Variants in CCDC144A observed in about 807,000 individuals in gnomAD.
The protein encoded by CCDC144A is coiled-coil domain containing 144A.
In CCDC144A, 41 loss-of-function variants were observed where a neutral mutation model predicts 143.8. The ratio of observed to expected loss-of-function variants is 0.29; its 90% confidence interval spans 0.22 to 0.37. The LOEUF (loss-of-function observed/expected upper bound fraction) is 0.37, where lower values mean the gene tolerates loss of function less well. Among genes scored for constraint, CCDC144A ranks in the 10% least tolerant of loss-of-function variants. The pLI is 1.00. For missense variants in CCDC144A, 637 were observed against 1,488.8 expected (o/e 0.43, Z 9.41); for synonymous variants, 242 against 517.9 (o/e 0.47, Z 7.23).
the CCDC144A span, among the ~76,000 whole-genome samples, chr17:16,683,274 C>T: frequency 6.6e-6 from 1 of 152,098 alleles, no homozygotes; most frequent in Non-Finnish European, 1.5e-5. Context: ...TATTTCTAAA[C>T]AGGTTTTACA....
At chr17:16,714,145 A>G (rs573373176) in intron 6 of CCDC144A, among the ~76,000 whole-genome samples, 5 of 152,246 alleles carry the variant, frequency 3.3e-5, no homozygotes, top group South Asian at 4.1e-4. Context: ...TCCATCTGTC[A>G]TAGTCTGTTT....
chr17:16,698,463 C>T (rs1213133389), intron 2 of CCDC144A, among the ~76,000 whole-genome samples: 1 of 152,222 alleles, frequency 6.6e-6, no homozygotes, highest in African/African-American at 2.4e-5. Context: ...TGGAAGAATA[C>T]ACCTACCAAG....
chr17:16,701,715 G>A (rs1306846827), intron 2 of CCDC144A, among the ~76,000 whole-genome samples: 1 of 151,596 alleles, frequency 6.6e-6, no homozygotes, highest in African/African-American at 2.4e-5. Context: ...GTGTTCATCA[G>A]AACAGGATCT....
chr17:16,704,049 A>G (rs1911897648), intron 2 of CCDC144A, among the ~76,000 whole-genome samples: 1 of 152,238 alleles, frequency 6.6e-6, no homozygotes, highest in Non-Finnish European at 1.5e-5. Context: ...ATTTAGAGTC[A>G]ACATTTTAAA....
intron 12 of CCDC144A, among the ~76,000 whole-genome samples, chr17:16,748,282 G>T (rs1226649434): frequency 6.6e-6 from 1 of 152,058 alleles, no homozygotes; most frequent in Non-Finnish European, 1.5e-5. Flanking sequence ...TGCCTAATTT[G>T]TTGGGTGTTT....
chr17:16,673,843 T>C, the CCDC144A span, among the ~76,000 whole-genome samples: 1 of 152,168 alleles, frequency 6.6e-6, no homozygotes, highest in African/African-American at 2.4e-5. Context: ...CATTATTTTT[T>C]TTAAATTATT....
chr17:16,682,679 A>C, the CCDC144A span, among the ~76,000 whole-genome samples: 2 of 152,100 alleles, frequency 1.3e-5, no homozygotes, highest in East Asian at 3.9e-4. Context: ...CTATCAAAGA[A>C]AGTTTTGCAA....
intron 6 of CCDC144A, among the ~76,000 whole-genome samples, chr17:16,717,125 CT>C (rs1419179020): frequency 3.0e-5 from 2 of 66,246 alleles, no homozygotes; most frequent in Non-Finnish European, 6.1e-5. Context: ...TTTTTCTTTT[CT>C]TTTTTCTTTG....
the CCDC144A span, among the ~76,000 whole-genome samples, chr17:16,678,753 T>TTTG: frequency 9.4e-6 from 1 of 106,926 alleles, no homozygotes; most frequent in Non-Finnish European, 1.9e-5. Context: ...GCTAATTTGT[T>TTTG]TTTTTTTTTT....
intron 12 of CCDC144A, among the ~76,000 whole-genome samples, chr17:16,749,080 G>A (rs1414431146): frequency 1.3e-5 from 2 of 151,924 alleles, no homozygotes; most frequent in African/African-American, 4.8e-5. Flanking sequence ...GGATTTTTGG[G>A]CCTCAAGTTT....
intron 15 of CCDC144A, chr17:16,764,670 T>C (rs1403319180): frequency 5.7e-6 from 1 of 176,914 alleles, no homozygotes; most frequent in African/African-American, 2.4e-5. Context: ...TTATATGTTA[T>C]ATAAACCTGC....
intron 12 of CCDC144A, among the ~76,000 whole-genome samples, chr17:16,752,229 G>A (rs1389456732): frequency 6.6e-6 from 1 of 152,204 alleles, no homozygotes; most frequent in African/African-American, 2.4e-5. Context: ...GTTGTGAACT[G>A]TGCACGTGAG....
intron 16 of CCDC144A, 107 bp from the exon 17 acceptor site, chr17:16,773,390 G>A (rs1238783794): frequency 1.4e-6 from 2 of 1,418,024 alleles, no homozygotes; most frequent in Non-Finnish European, 1.9e-6. Flanking sequence ...CAAGACTGCA[G>A]TGACCTGTGA....
chr17:16,702,638 A>C (rs1483325030), intron 2 of CCDC144A, among the ~76,000 whole-genome samples: 2 of 152,206 alleles, frequency 1.3e-5, no homozygotes, highest in African/African-American at 4.8e-5. Context: ...CCCCCAGTGA[A>C]TGCCTGGAAG....
chr17:16,715,921 C>T (rs1032423254), intron 6 of CCDC144A, among the ~76,000 whole-genome samples: 1 of 152,134 alleles, frequency 6.6e-6, no homozygotes, highest in African/African-American at 2.4e-5. Context: ...AAGTGGCGCA[C>T]GTTGATATTG....
intron 8 of CCDC144A, among the ~76,000 whole-genome samples, chr17:16,726,376 G>A (rs1338911291): frequency 7.5e-6 from 1 of 133,800 alleles, no homozygotes; most frequent in East Asian, 2.1e-4. Flanking sequence ...GCGAGACTCC[G>A]TCTCAAAAAA....
rs557489968 is a variant in CCDC144A, at chr17:16,724,159, T to C, written c.1892-3368T>C. On this transcript the variant is annotated intron_variant, in intron 8 of 16. Transcript: ENST00000399273. ...ATTTGAATATTTTGATGAGATATTTTGTTACTAATTTGTGACTTGATTGCC... is the reference window on the plus strand; with the variant it reads ...ATTTGAATATTTTGATGAGATATTTCGTTACTAATTTGTGACTTGATTGCC... Among the ~76,000 whole-genome samples, 4 of 152,280 alleles carry C rather than the reference T, an allele frequency of 2.6e-5. No individual in the cohort carries two copies. The East Asian group carries it at 7.7e-4, about 29-fold the overall frequency.
At chr17:16,683,493 C>G in the CCDC144A span, 6 of 1,471,650 alleles carry the variant, frequency 4.1e-6, no homozygotes, top group African/African-American at 5.6e-5. Context: ...GCCCTGCCGC[C>G]GCTCTCGCGG....
intron 14 of CCDC144A, among the ~76,000 whole-genome samples, chr17:16,763,237 T>C (rs1351892423): frequency 1.3e-5 from 2 of 151,910 alleles, no homozygotes; most frequent in African/African-American, 4.9e-5. Flanking sequence ...TGGGCCGCAG[T>C]GTTAGGAGCT....
Sources: gnomAD v4.1 joint callset for allele counts (sites outside exome capture counted in the v4.1 genomes callset) on GRCh38, gnomAD v4.1.1 for gene constraint, MANE v1.5 for transcripts, NCBI Gene and HGNC (gene_info 2026-07-23, HGNC 2026-07-21) for gene names.